DNAH9: variants seen among roughly 807,000 people sequenced by gnomAD.
DNAH9 encodes dynein axonemal heavy chain 9, also known as DNAH9 variant protein.
A neutral mutation model predicts 471.6 loss-of-function variants in DNAH9; 345 were observed. The ratio of observed to expected loss-of-function variants is 0.73; its 90% confidence interval spans 0.67 to 0.80. DNAH9 has a LOEUF of 0.80. Ranked by LOEUF, DNAH9 falls within the 30% of genes least tolerant of loss-of-function variation. The pLI is 0.00. For synonymous variants in DNAH9, 2,093 were observed against 2,123.6 expected (o/e 0.99, Z 0.40); for missense variants, 5,407 against 5,609.2 (o/e 0.96, Z 1.15).
Position 11,729,896 on chromosome 17 carries a change from C to T in DNAH9, c.5814+1974C>T, listed in dbSNP as rs918878295. Among the ~76,000 whole-genome samples the T allele has an allele frequency of 2.6e-5, 4 of 152,172 alleles. 1 individual carries two copies. The highest frequency in any genetic ancestry group is 2.1e-4 in the South Asian group (1 of 4,828). On this transcript the variant is annotated intron_variant, in intron 28 of 68. Coordinates refer to ENST00000262442, the MANE Select transcript of DNAH9 (RefSeq NM_001372.4). ...AGCTGAACAGCAGTAGGGCTCAGAC[C>T]ATCCGCAAATCCATGCCACCTTCAT...
chr17:11,723,695 T>C (rs2075102369), intron 27 of DNAH9, among the ~76,000 whole-genome samples: 2 of 151,608 alleles, frequency 1.3e-5, no homozygotes, highest in South Asian at 4.2e-4. Flanking sequence ...TGAGATGGAG[T>C]CTCGCTCTGT....
chr17:11,947,532 A>T (rs1975172140), intron 67 of DNAH9, among the ~76,000 whole-genome samples: 1 of 121,570 alleles, frequency 8.2e-6, no homozygotes, highest in Non-Finnish European at 2.0e-5. Flanking sequence ...CAAAAACTAT[A>T]AAATAGTCTA....
chr17:11,791,463 C>T (rs1284957243), intron 41 of DNAH9, among the ~76,000 whole-genome samples: 2 of 152,140 alleles, frequency 1.3e-5, no homozygotes, highest in Admixed American at 6.5e-5. Flanking sequence ...TGTAATCCAG[C>T]ACTTTAGGAG....
chr17:11,744,855 T>C lies in DNAH9; in HGVS notation c.6170T>C (p.Leu2057Pro), dbSNP rs766994215. The stretch of plus-strand genomic sequence containing the variant: ...TCCGTGCTGGTGGTGGCAGGATCCC[T>C]GAAGAGAGGAGACCCTGACCGGCCT... ...IKSVLVVAGS[L>P]KRGDPDRPED... The change falls in exon 31 of 69, where the codon CTG (leucine) becomes CCG (proline). Residue 2057 changes from leucine to proline, a missense_variant. Leu to Pro is a moderately conservative substitution (Grantham distance 98). Coordinates refer to ENST00000262442, the MANE Select transcript of DNAH9 (RefSeq NM_001372.4). 1 of 1,614,052 alleles carries C rather than the reference T, an allele frequency of 6.2e-7. No individual in the cohort carries two copies. Among genetic ancestry groups the C allele is most frequent in the Non-Finnish European group, 8.5e-7 (1 of 1,180,014 alleles).
chr17:11,964,829 G>A (rs1976551398), intron 68 of DNAH9, among the ~76,000 whole-genome samples: 1 of 152,022 alleles, frequency 6.6e-6, no homozygotes, highest in Non-Finnish European at 1.5e-5. Flanking sequence ...AATGGGGTTG[G>A]AGCACCTTCA....
At chr17:11,700,966 ACAG>A (rs2150772443) in intron 23 of DNAH9, among the ~76,000 whole-genome samples, 153 bp from the exon 24 acceptor site, 1 of 152,268 alleles carries the variant, frequency 6.6e-6, no homozygotes, top group South Asian at 2.1e-4. Context: ...GATTACGTAA[ACAG>A]CACATCTCTC....
intron 67 of DNAH9, among the ~76,000 whole-genome samples, chr17:11,953,738 C>A: frequency 1.7e-5 from 2 of 117,980 alleles, no homozygotes; most frequent in African/African-American, 6.7e-5. Flanking sequence ...GCCTGGGCCA[C>A]AGAGAGAGAC....
chr17:11,854,136 C>T lies in DNAH9; in HGVS notation c.9641C>T (p.Thr3214Ile). The T allele has an allele frequency of 6.2e-7, 1 of 1,614,136 alleles. No homozygotes were observed. The highest frequency in any genetic ancestry group is 8.5e-7 in the Non-Finnish European group (1 of 1,180,030). ...CGGAGCTGGAAGGCTGCTAAGGTCA[C>T]CATGGCCAAAGTGGATGGCTTCCTG... ...KDRSWKAAKV[T>I]MAKVDGFLDS... The change falls in exon 50 of 69, where the codon ACC becomes ATC. Residue 3214 changes from threonine (T) to isoleucine (I), a missense_variant. By Grantham distance (89) the Thr-to-Ile change is moderately conservative. Transcript: ENST00000262442.
Position 11,647,162 on chromosome 17 carries a change from A to G in DNAH9, c.2061A>G (p.Pro687=). 6.2e-7 allele frequency: 1 copy of G among 1,614,082 alleles called. No homozygotes were observed. Residue 687 remains proline (P), a synonymous_variant, in exon 12 of 69, where the codon CCA becomes CCG. Coordinates refer to ENST00000262442, the MANE Select transcript of DNAH9 (RefSeq NM_001372.4). The part of the protein sequence containing the change: ...NLSQPLLKRD[P]ETKEITINFN... The stretch of plus-strand genomic sequence containing the variant: ...CCCAACCACTTCTAAAACGTGACCC[A>G]GAGACGAAGGAGATCACTATCAACT...
chr17:11,924,224 A>G (rs932140686), intron 62 of DNAH9, among the ~76,000 whole-genome samples: 4 of 152,234 alleles, frequency 2.6e-5, no homozygotes, highest in Non-Finnish European at 5.9e-5. Context: ...ATAGGCGTTC[A>G]GGAAGTTAGC....
intron 39 of DNAH9, among the ~76,000 whole-genome samples, chr17:11,782,116 G>T (rs1226280156): frequency 6.6e-6 from 1 of 152,110 alleles, no homozygotes; most frequent in Non-Finnish European, 1.5e-5. Flanking sequence ...AGTTAAGATG[G>T]CAACTTGAGT....
Position 11,875,189 on chromosome 17 carries a change from G to A in DNAH9, c.10478+5G>A. On this transcript the variant is annotated splice_donor_5th_base_variant and intron_variant, in intron 53 of 68. Transcript: ENST00000262442. ...CACGCAGATTGGTCAGAAAGGGTAA[G>A]TGGTTGAGCACAGAAGTTCCCACTT... 1 of 1,612,160 alleles carries A rather than the reference G, an allele frequency of 6.2e-7. No homozygotes were observed. Among genetic ancestry groups the A allele is most frequent in the Non-Finnish European group, 8.5e-7 (1 of 1,178,828 alleles).
At chr17:11,599,001 G>A in intron 1 of DNAH9, 86 bp downstream of exon 1, 1 of 1,078,548 alleles carries the variant, frequency 9.3e-7, no homozygotes, top group Non-Finnish European at 1.2e-6. Flanking sequence ...GGGGCCAGAG[G>A]GGGCGGGGCG....
intron 14 of DNAH9, among the ~76,000 whole-genome samples, chr17:11,661,427 C>T (rs1193245875): frequency 1.3e-5 from 2 of 152,086 alleles, no homozygotes; most frequent in Admixed American, 6.6e-5. Flanking sequence ...TTAATGTAAG[C>T]ATTTGTATGG....
At chr17:11,695,955 A>G (rs1259687448) in intron 22 of DNAH9, among the ~76,000 whole-genome samples, 1 of 152,160 alleles carries the variant, frequency 6.6e-6, no homozygotes, top group East Asian at 1.9e-4. Context: ...TTTCCCATAC[A>G]TGTTTATTTG....
intron 4 of DNAH9, among the ~76,000 whole-genome samples, chr17:11,616,736 G>A (rs1458183798): frequency 6.6e-6 from 1 of 152,184 alleles, no homozygotes; most frequent in Non-Finnish European, 1.5e-5. Context: ...ACAACGTACA[G>A]CTTTGTTTCA....
In DNAH9 at chr17:11,797,647, C is replaced by T; in HGVS notation, c.8274C>T (p.His2758=). 6.2e-7 allele frequency: 1 copy of T among 1,614,174 alleles called. No homozygotes were observed. The highest frequency in any genetic ancestry group is 1.1e-5 in the South Asian group (1 of 91,082). Residue 2758 remains histidine (H), a synonymous_variant, in exon 43 of 69, where the codon CAC becomes CAT. Coordinates refer to ENST00000262442, the MANE Select transcript of DNAH9 (RefSeq NM_001372.4). ...CCCAAAGCCCGAACCTGTATTGTCA[C>T]TTTGCAAATGGTATTGGGGAGCCCA... ...EQTQSPNLYC[H]FANGIGEPKY... is the part of the protein sequence containing the mutation.
intron 1 of DNAH9, among the ~76,000 whole-genome samples, chr17:11,604,095 T>C (rs1277890913): frequency 6.6e-6 from 1 of 151,830 alleles, no homozygotes; most frequent in African/African-American, 2.4e-5. Context: ...TGATCTCCGC[T>C]TGCTGCAACC....
chr17:11,689,490 T>A, intron 19 of DNAH9, 76 bp from the exon 20 acceptor site: 1 of 1,237,032 alleles, frequency 8.1e-7, no homozygotes, highest in Non-Finnish European at 1.1e-6. Context: ...ATATTTCAGC[T>A]GGTTGCTACC....
Sources: allele counts gnomAD v4.1 joint callset (sites outside exome capture counted in the v4.1 genomes callset), GRCh38; gene constraint gnomAD v4.1.1; transcripts MANE v1.5; gene names NCBI Gene and HGNC (gene_info 2026-07-23, HGNC 2026-07-21).